Variants in GRIP1 observed in about 807,000 individuals in gnomAD.
The protein encoded by GRIP1 is glutamate receptor interacting protein 1.
Under a neutral mutation model 129.9 loss-of-function variants are expected in GRIP1, and 45 were observed. The observed-to-expected ratio is 0.35, with a 90% CI of 0.27 to 0.44. The LOEUF is 0.44. Among genes scored for constraint, GRIP1 ranks in the 20% least tolerant of loss-of-function variants. The pLI, the probability that GRIP1 is intolerant of heterozygous loss-of-function variation, is 1.00. For missense variants in GRIP1, 1,196 were observed against 1,396.8 expected, an observed-to-expected ratio of 0.86 and a Z score of 2.29; for synonymous variants, 530 against 520.8, an observed-to-expected ratio of 1.02 and a Z score of -0.24.
intron 1 of GRIP1, among the ~76,000 whole-genome samples, chr12:66,965,677 A>T (rs929838644): frequency 6.6e-6 from 1 of 151,840 alleles, no homozygotes; most frequent in Non-Finnish European, 1.5e-5. Context: ...ATGCATCATC[A>T]GTGAGACCTA....
At position 66,606,603 on chromosome 12, in the gene GRIP1, T is replaced by G. The variant is rs146493614; in HGVS notation, c.56-9676A>C. ...TGTATAATCTTATCTCTTCTCACAATAACTCAATAAAATGTAAAATAACAA... is the reference window on the plus strand; with the variant it reads ...TGTATAATCTTATCTCTTCTCACAAGAACTCAATAAAATGTAAAATAACAA... On this transcript the variant is annotated intron_variant, in intron 1 of 24. Coordinates refer to ENST00000359742, the MANE Select transcript of GRIP1 (RefSeq NM_001366722.1). 2.6e-3 allele frequency among the ~76,000 whole-genome samples: 391 copies of G among 152,302 alleles called. 2 individuals are homozygous for G. Among genetic ancestry groups the G allele is most frequent in the African/African-American group, 8.8e-3 (367 of 41,574 alleles).
chr12:66,867,544 G>A (rs1269666192), intron 1 of GRIP1, among the ~76,000 whole-genome samples: 1 of 151,976 alleles, frequency 6.6e-6, no homozygotes, highest in Non-Finnish European at 1.5e-5. Flanking sequence ...TTAACTGGTT[G>A]GTAGAGATAC....
chr12:66,417,704 A>T (rs1016388942), intron 15 of GRIP1, among the ~76,000 whole-genome samples: 2 of 152,166 alleles, frequency 1.3e-5, no homozygotes, highest in East Asian at 3.8e-4. Flanking sequence ...GCCACAAATA[A>T]AATCAAATAC....
chr12:66,600,090 G>A (rs763215814), intron 1 of GRIP1, among the ~76,000 whole-genome samples: 3 of 152,076 alleles, frequency 2.0e-5, no homozygotes, highest in South Asian at 4.1e-4. Context: ...AATTATTTTC[G>A]TGTGTATATA....
intron 1 of GRIP1, among the ~76,000 whole-genome samples, chr12:66,964,886 A>G (rs960237172): frequency 6.6e-6 from 1 of 152,058 alleles, no homozygotes; most frequent in Non-Finnish European, 1.5e-5. Flanking sequence ...TGCCTTCTCA[A>G]TATGTCCTCA....
At chr12:66,905,660 C>G (rs2040919441) in intron 1 of GRIP1, among the ~76,000 whole-genome samples, 1 of 151,970 alleles carries the variant, frequency 6.6e-6, no homozygotes, top group South Asian at 2.1e-4. Flanking sequence ...TTTAAAAAAC[C>G]TTTCTTGAAT....
intron 7 of GRIP1, among the ~76,000 whole-genome samples, chr12:66,487,804 A>C (rs548770130): frequency 1.6e-4 from 25 of 152,280 alleles, no homozygotes; most frequent in African/African-American, 6.0e-4. Flanking sequence ...CCAAGCAAAT[A>C]GAAAACAGAA....
rs368637185 is a variant in GRIP1, at chr12:66,965,549, TTGTGTGTG to T, written c.58+103493_58+103500del. On this transcript the variant is annotated intron_variant, in intron 1 of 1. Coordinates refer to the GRIP1 transcript ENST00000643019. ...TTCTTAGGCTACTGGAAAAGAAACA[TTGTGTGTG>T]TGTGTGTGTGTGTGTGTGTGTGTGT... Among the ~76,000 whole-genome samples, 692 of 128,330 alleles carry T rather than the reference TTGTGTGTG, an allele frequency of 5.4e-3. 2 individuals are homozygous for T. The highest frequency in any genetic ancestry group is 8.7e-3 in the African/African-American group (283 of 32,380). 84.2% of individuals were successfully genotyped at this position (128,330 alleles called of 152,430 possible). A position where few individuals can be genotyped will look rare whatever the true frequency, so the allele number is the denominator to read the frequency against.
intron 4 of GRIP1, among the ~76,000 whole-genome samples, chr12:66,535,903 CT>C (rs1377332054): frequency 6.6e-6 from 1 of 152,148 alleles, no homozygotes; most frequent in Non-Finnish European, 1.5e-5. Flanking sequence ...ATCTTCAGGT[CT>C]TGACATTTCC....
intron 7 of GRIP1, among the ~76,000 whole-genome samples, chr12:66,474,512 A>G (rs2059544731): frequency 6.6e-6 from 1 of 152,136 alleles, no homozygotes; most frequent in Admixed American, 6.5e-5. Flanking sequence ...GAGCAACTCC[A>G]AGACACATAA....
At chr12:66,511,621 C>T (rs769113307) in intron 7 of GRIP1, among the ~76,000 whole-genome samples, 9 of 152,032 alleles carry the variant, frequency 5.9e-5, no homozygotes, top group Non-Finnish European at 1.2e-4. Flanking sequence ...CAGCATTTGC[C>T]CCAAGCTAAA....
At chr12:66,426,777 T>C (rs1592839470) in intron 14 of GRIP1, among the ~76,000 whole-genome samples, 1 of 152,206 alleles carries the variant, frequency 6.6e-6, no homozygotes, top group African/African-American at 2.4e-5. Context: ...CAGATGGTCC[T>C]GAATTTTCCT....
chr12:66,981,897 C>T (rs866800781), intron 1 of GRIP1, among the ~76,000 whole-genome samples: 2 of 152,236 alleles, frequency 1.3e-5, no homozygotes, highest in Middle Eastern at 6.8e-3. Context: ...AAATGTTAGG[C>T]TTCTACACTC....
At chr12:66,536,542 A>G (rs1014420214) in intron 4 of GRIP1, among the ~76,000 whole-genome samples, 2 of 152,136 alleles carry the variant, frequency 1.3e-5, no homozygotes, top group Non-Finnish European at 2.9e-5. Flanking sequence ...TTTCCCCCAG[A>G]AATCCATACA....
chr12:66,945,162 T>G (rs2041647574), intron 1 of GRIP1, among the ~76,000 whole-genome samples: 1 of 152,196 alleles, frequency 6.6e-6, no homozygotes, highest in Non-Finnish European at 1.5e-5. Context: ...TCTTATTTAC[T>G]TTTTCAAAAA....
At chr12:66,822,133 T>C (rs1335108615) in intron 1 of GRIP1, among the ~76,000 whole-genome samples, 1 of 152,186 alleles carries the variant, frequency 6.6e-6, no homozygotes, top group Non-Finnish European at 1.5e-5. Flanking sequence ...GAGCTGACTG[T>C]GAGAAGCTTA....
intron 8 of GRIP1, among the ~76,000 whole-genome samples, chr12:66,464,125 G>C (rs2059215068): frequency 6.6e-6 from 1 of 152,184 alleles, no homozygotes; most frequent in African/African-American, 2.4e-5. Flanking sequence ...TTCAGGTGCA[G>C]TATATCTATA....
chr12:66,472,668 T>G (rs777040623), intron 7 of GRIP1, among the ~76,000 whole-genome samples: 1 of 152,056 alleles, frequency 6.6e-6, no homozygotes, highest in East Asian at 1.9e-4. Context: ...GTGCAGCCCA[T>G]GAAGGGCAAG....
intron 23 of GRIP1, among the ~76,000 whole-genome samples, chr12:66,369,560 A>G (rs964389921): frequency 1.3e-5 from 2 of 151,932 alleles, no homozygotes; most frequent in African/African-American, 2.4e-5. Flanking sequence ...TATACTTGCT[A>G]TTTGTCTATC....
Sources: gnomAD v4.1 joint callset for allele counts (sites outside exome capture counted in the v4.1 genomes callset) on GRCh38, gnomAD v4.1.1 for gene constraint, MANE v1.5 for transcripts, NCBI Gene and HGNC (gene_info 2026-07-23, HGNC 2026-07-21) for gene names.